OSBPL9: variants seen among roughly 807,000 people sequenced by gnomAD.
OSBPL9 encodes oxysterol-binding protein-related protein 9.
OSBPL9 carries 40 observed loss-of-function variants against 106.6 expected under a neutral mutation model. That is an observed-to-expected ratio of 0.38 (90% CI 0.29 to 0.49). OSBPL9 has a LOEUF of 0.49. Among genes scored for constraint, OSBPL9 ranks in the 20% least tolerant of loss-of-function variants. OSBPL9 has a pLI of 0.97. For synonymous variants in OSBPL9, 269 were observed against 295.4 expected (o/e 0.91, Z 0.92); for missense variants, 609 against 887.2 (o/e 0.69, Z 3.98).
chr1:51,760,831 G>A (rs1179108621), intron 10 of OSBPL9, 51 bp downstream of exon 10: 22 of 1,589,026 alleles, frequency 1.4e-5, no homozygotes, highest in African/African-American at 2.7e-5. Context: ...AAAATAATTT[G>A]TGTGGCTGTC....
chr1:51,617,047 C>T (rs762366348), upstream of OSBPL9: 31 of 1,544,228 alleles, frequency 2.0e-5, no homozygotes, highest in Middle Eastern at 2.0e-4. Flanking sequence ...CCCCGCCCCC[C>T]GCATGCTGAA....
intron 15 of OSBPL9, among the ~76,000 whole-genome samples, chr1:51,777,157 A>G (rs899537940): frequency 2.0e-5 from 3 of 152,216 alleles, no homozygotes; most frequent in Non-Finnish European, 1.5e-5. Context: ...TAGGTAGCCA[A>G]TATTCACAAG....
chr1:51,598,646 G>T (rs1441502399), intron 2 of OSBPL9, among the ~76,000 whole-genome samples: 4 of 152,092 alleles, frequency 2.6e-5, no homozygotes, highest in Admixed American at 1.3e-4. Flanking sequence ...ATGCTAATTC[G>T]ACAACTAGTT....
At chr1:51,719,176 A>G (rs1261014170) in intron 4 of OSBPL9, among the ~76,000 whole-genome samples, 4 of 152,202 alleles carry the variant, frequency 2.6e-5, no homozygotes, top group African/African-American at 9.7e-5. Context: ...GCAAATTGTA[A>G]TTAGGATAGA....
chr1:51,544,909 T>C, the OSBPL9 span, among the ~76,000 whole-genome samples: 1 of 147,440 alleles, frequency 6.8e-6, no homozygotes, highest in Non-Finnish European at 1.5e-5. Context: ...AGTGGCTTGA[T>C]CTCGGCTCAC....
intron 4 of OSBPL9, among the ~76,000 whole-genome samples, chr1:51,740,801 A>G (rs551405906): frequency 6.6e-6 from 1 of 152,192 alleles, no homozygotes; most frequent in South Asian, 2.1e-4. Flanking sequence ...TAGGTTTCTT[A>G]ATTTCCGGAT....
chr1:51,781,402 C>A, intron 16 of OSBPL9, 67 bp downstream of exon 16: 4 of 1,429,030 alleles, frequency 2.8e-6, no homozygotes, highest in South Asian at 1.2e-5. Context: ...TATTTAGGGG[C>A]AAATAATAAT....
chr1:51,606,892 CA>C (rs917533186), intron 2 of OSBPL9, among the ~76,000 whole-genome samples: 5 of 151,200 alleles, frequency 3.3e-5, no homozygotes, highest in African/African-American at 9.7e-5. Context: ...CCTAAAAATA[CA>C]AAAAAAATTA....
the OSBPL9 span, among the ~76,000 whole-genome samples, chr1:51,555,246 C>T: frequency 6.6e-6 from 1 of 152,166 alleles, no homozygotes; most frequent in South Asian, 2.1e-4. Flanking sequence ...AATCCCAGAA[C>T]TTTGGGAGGC....
chr1:51,671,067 C>G (rs1649752256), intron 3 of OSBPL9, among the ~76,000 whole-genome samples: 1 of 152,094 alleles, frequency 6.6e-6, no homozygotes, highest in African/African-American at 2.4e-5. Flanking sequence ...AGAAATATTC[C>G]TCAGGAAGGA....
intron 1 of OSBPL9, among the ~76,000 whole-genome samples, chr1:51,640,858 A>G (rs1387893421): frequency 6.6e-6 from 1 of 151,104 alleles, no homozygotes; most frequent in African/African-American, 2.4e-5. Flanking sequence ...AGTGCAGTGC[A>G]TTGTAACCTC....
upstream of OSBPL9, among the ~76,000 whole-genome samples, chr1:51,572,848 A>AT (rs1645158706): frequency 6.6e-6 from 1 of 152,142 alleles, no homozygotes; most frequent in Admixed American, 6.6e-5. Flanking sequence ...CCATCTGCTA[A>AT]TTTTTTTAGT....
the OSBPL9 span, among the ~76,000 whole-genome samples, chr1:51,544,627 T>A: frequency 6.6e-6 from 1 of 150,864 alleles, no homozygotes; most frequent in Admixed American, 6.6e-5. Flanking sequence ...AGGAAAAAAA[T>A]TATGTATAAA....
chr1:51,766,136 A>T (rs1200836819), intron 12 of OSBPL9, among the ~76,000 whole-genome samples, 155 bp downstream of exon 12: 3 of 152,196 alleles, frequency 2.0e-5, no homozygotes, highest in Non-Finnish European at 2.9e-5. Context: ...TTTTTTATTG[A>T]TGTATAATAG....
the OSBPL9 span, among the ~76,000 whole-genome samples, chr1:51,543,437 C>G: frequency 6.6e-6 from 1 of 152,136 alleles, no homozygotes; most frequent in African/African-American, 2.4e-5. Flanking sequence ...ACTCTGGCCC[C>G]CGGACTGGAG....
chr1:51,671,112 G>A (rs556509558), intron 3 of OSBPL9, among the ~76,000 whole-genome samples: 1 of 152,302 alleles, frequency 6.6e-6, no homozygotes, highest in South Asian at 2.1e-4. Context: ...TTTTAAAAAT[G>A]GATTCATAGT....
intron 12 of OSBPL9, among the ~76,000 whole-genome samples, chr1:51,766,480 T>A (rs939241158): frequency 1.3e-5 from 2 of 152,082 alleles, no homozygotes; most frequent in Non-Finnish European, 2.9e-5. Flanking sequence ...ACAGGGAACT[T>A]TTGGGGGAAT....
Position 51,729,703 on chromosome 1 carries a change from A to G in OSBPL9, c.318+15624A>G, listed in dbSNP as rs1384749171. ...GCCAATCGTCTGCCTCTCACCTCCT[A>G]CAGCAGGTGACCCATGGCCAATCGC... On this transcript the variant is annotated intron_variant, in intron 4 of 23. Coordinates refer to ENST00000428468, the MANE Select transcript of OSBPL9 (RefSeq NM_024586.6). The surrounding 1 kb of genome is among the most constrained non-coding windows in gnomAD (Gnocchi z 5.1). 3 of 636,266 alleles carry G rather than the reference A, an allele frequency of 4.7e-6. No homozygotes were observed. The highest frequency in any genetic ancestry group is 3.8e-5 in the African/African-American group (2 of 52,914). The allele number at this position is 636,266 out of a possible 1,614,324, so 39.4% of individuals were successfully genotyped here.
rs1676639287 is a variant in OSBPL9, at chr1:51,782,546, T to C, written c.1429-13T>C. On this transcript the variant is annotated splice_polypyrimidine_tract_variant and intron_variant, in intron 16 of 23. Transcript: ENST00000428468. ...TTCTCATCAAAAGAAAATTATGTTATATTTGCTTGCAGGAACTAGTTTCAG... is the reference window on the plus strand; with the variant it reads ...TTCTCATCAAAAGAAAATTATGTTACATTTGCTTGCAGGAACTAGTTTCAG... 6.2e-7 allele frequency: 1 copy of C among 1,611,322 alleles called. No individual in the cohort carries two copies. The highest frequency in any genetic ancestry group is 1.7e-5 in the Admixed American group (1 of 59,614).
Sources: allele counts gnomAD v4.1 joint callset (sites outside exome capture counted in the v4.1 genomes callset), GRCh38; gene constraint gnomAD v4.1.1; non-coding constraint Gnocchi (gnomAD v3.1); transcripts MANE v1.5; gene names NCBI Gene and HGNC (gene_info 2026-07-23, HGNC 2026-07-21).